SYNPR: variants seen among roughly 807,000 people sequenced by gnomAD.
SYNPR encodes the protein synaptoporin.
SYNPR carries 23 observed loss-of-function variants against 32.9 expected under a neutral mutation model. That is an observed-to-expected ratio of 0.70 (90% confidence interval 0.50 to 0.99). The LOEUF (loss-of-function observed/expected upper bound fraction) is 0.99. Ranked by LOEUF, SYNPR falls within the 50% of genes least tolerant of loss-of-function variation. The pLI, the probability that SYNPR is intolerant of heterozygous loss-of-function variation, is 0.00. For synonymous variants in SYNPR, 146 were observed against 135.9 expected (o/e 1.07, Z -0.52); for missense variants, 318 against 349.3 (o/e 0.91, Z 0.71).
At chr3:63,517,097 G>A (rs988997544) in intron 3 of SYNPR, among the ~76,000 whole-genome samples, 2 of 152,058 alleles carry the variant, frequency 1.3e-5, no homozygotes, top group African/African-American at 4.8e-5. Flanking sequence ...AATTCTTAAG[G>A]AGAATTCTGA....
chr3:63,462,545 T>G lies in SYNPR; in HGVS notation c.85-18287T>G, dbSNP rs79130264. ...TTGAAGTCAGTGGTGTGAATTTACATTCATTAACCTCCAATTTAGGTCGCT... is the reference window on the plus strand; with the variant it reads ...TTGAAGTCAGTGGTGTGAATTTACAGTCATTAACCTCCAATTTAGGTCGCT... On this transcript the variant is annotated intron_variant, in intron 2 of 5. Transcript: ENST00000478300. Among the ~76,000 whole-genome samples the G allele has an allele frequency of 8.4e-3, 1,278 of 152,234 alleles. 57 individuals are homozygous for G. The East Asian group carries it at 0.13, about 16-fold the overall frequency.
chr3:63,341,892 C>T (rs1454231492), intron 2 of SYNPR, among the ~76,000 whole-genome samples: 6 of 152,008 alleles, frequency 3.9e-5, no homozygotes, highest in Non-Finnish European at 7.4e-5. Context: ...TTTGTTTTGT[C>T]ATGGATTGTG....
chr3:63,450,272 G>A (rs62252073), intron 2 of SYNPR, among the ~76,000 whole-genome samples: 8,784 of 152,216 alleles, frequency 0.058, 348 homozygotes, highest in Middle Eastern at 0.099. Context: ...TTTTGAAGTC[G>A]GATGGATCAG....
intron 2 of SYNPR, among the ~76,000 whole-genome samples, chr3:63,425,156 T>C (rs896272488): frequency 6.6e-6 from 1 of 152,130 alleles, no homozygotes; most frequent in African/African-American, 2.4e-5. Flanking sequence ...GCTCACGATA[T>C]AAACATCAGG....
intron 3 of SYNPR, among the ~76,000 whole-genome samples, chr3:63,508,169 T>C (rs1190640147): frequency 2.0e-5 from 3 of 152,140 alleles, no homozygotes; most frequent in African/African-American, 7.2e-5. Flanking sequence ...CTATCAACTC[T>C]ATACATCTTC....
At chr3:63,401,036 A>G (rs763849565) in intron 2 of SYNPR, among the ~76,000 whole-genome samples, 1 of 151,794 alleles carries the variant, frequency 6.6e-6, no homozygotes, top group African/African-American at 2.4e-5. Flanking sequence ...CAATACACAA[A>G]AAAGGTTTTT....
At chr3:63,226,628 C>G (rs2106869817), upstream of SYNPR, among the ~76,000 whole-genome samples, 1 of 152,160 alleles carries the variant, frequency 6.6e-6, no homozygotes, top group Non-Finnish European at 1.5e-5. Context: ...CATGTTCTCA[C>G]TCATATGTGG....
chr3:63,397,771 C>T (rs2088235140), intron 2 of SYNPR, among the ~76,000 whole-genome samples: 1 of 152,182 alleles, frequency 6.6e-6, no homozygotes. Flanking sequence ...AAACCTTCAT[C>T]TCATCTGAAA....
intron 3 of SYNPR, among the ~76,000 whole-genome samples, chr3:63,272,317 C>A (rs990646239): frequency 1.3e-5 from 2 of 152,062 alleles, no homozygotes; most frequent in African/African-American, 4.8e-5. Flanking sequence ...CAAGGTCATA[C>A]AACTAGGAAA....
intron 2 of SYNPR, among the ~76,000 whole-genome samples, chr3:63,399,046 C>T (rs1170578098): frequency 6.6e-6 from 1 of 152,152 alleles, no homozygotes; most frequent in African/African-American, 2.4e-5. Flanking sequence ...TAGGCAGAAA[C>T]TAAGACATTT....
At chr3:63,446,820 G>C (rs1700286851) in intron 2 of SYNPR, among the ~76,000 whole-genome samples, 1 of 151,988 alleles carries the variant, frequency 6.6e-6, no homozygotes, top group Non-Finnish European at 1.5e-5. Context: ...GTTTTGAAGT[G>C]GTTAACACAA....
At chr3:63,472,520 C>G (rs1313983932) in intron 2 of SYNPR, among the ~76,000 whole-genome samples, 1 of 152,090 alleles carries the variant, frequency 6.6e-6, no homozygotes, top group Non-Finnish European at 1.5e-5. Flanking sequence ...TTCAGTTACA[C>G]AGTGCTAAAA....
At chr3:63,230,021 G>A (rs1040267433) in intron 1 of SYNPR, among the ~76,000 whole-genome samples, 9 of 152,066 alleles carry the variant, frequency 5.9e-5, no homozygotes, top group African/African-American at 7.2e-5. Flanking sequence ...TATGGACCAT[G>A]CATTACATAA....
chr3:63,284,340 A>G (rs1182081382), intron 2 of SYNPR, among the ~76,000 whole-genome samples: 1 of 152,208 alleles, frequency 6.6e-6, no homozygotes, highest in Non-Finnish European at 1.5e-5. Context: ...TAAACTCTCC[A>G]AAACAATATT....
At chr3:63,424,045 G>C (rs1699848893) in intron 2 of SYNPR, among the ~76,000 whole-genome samples, 1 of 152,162 alleles carries the variant, frequency 6.6e-6, no homozygotes, top group Non-Finnish European at 1.5e-5. Context: ...GTGGTATCTT[G>C]AGTAAGATTC....
the SYNPR span, among the ~76,000 whole-genome samples, chr3:63,221,681 C>A: frequency 6.6e-6 from 1 of 152,160 alleles, no homozygotes; most frequent in South Asian, 2.1e-4. Context: ...AGGTTCACAA[C>A]TGGAAGCCAG....
the SYNPR span, among the ~76,000 whole-genome samples, chr3:63,207,952 A>G: frequency 6.6e-6 from 1 of 152,150 alleles, no homozygotes; most frequent in South Asian, 2.1e-4. Flanking sequence ...TCATCCTCCT[A>G]GAAGAGTACT....
intron 3 of SYNPR, among the ~76,000 whole-genome samples, chr3:63,485,626 T>C (rs138713293): frequency 6.6e-6 from 1 of 152,174 alleles, no homozygotes; most frequent in Non-Finnish European, 1.5e-5. Flanking sequence ...TTTGCTTATC[T>C]TAAGTCTTCA....
chr3:63,522,398 T>C (rs1269682749), intron 3 of SYNPR, among the ~76,000 whole-genome samples: 1 of 152,226 alleles, frequency 6.6e-6, no homozygotes, highest in Non-Finnish European at 1.5e-5. Context: ...TGTAACTTGA[T>C]GTTGGACACT....
Sources: gnomAD v4.1 joint callset for allele counts (sites outside exome capture counted in the v4.1 genomes callset) on GRCh38, gnomAD v4.1.1 for gene constraint, MANE v1.5 for transcripts, NCBI Gene and HGNC (gene_info 2026-07-23, HGNC 2026-07-21) for gene names.